Variants in STK3 observed in about 807,000 individuals in gnomAD.
STK3 encodes serine/threonine-protein kinase 3.
In STK3, 41 loss-of-function variants were observed where a neutral mutation model predicts 58.0. The ratio of observed to expected loss-of-function variants is 0.71; its 90% confidence interval spans 0.55 to 0.92. STK3 has a LOEUF of 0.92. Ranked by LOEUF, STK3 falls within the 40% of genes least tolerant of loss-of-function variation. The pLI is 0.00. For missense variants in STK3, 479 were observed against 602.7 expected (o/e 0.79, Z 2.15); for synonymous variants, 170 against 191.0 (o/e 0.89, Z 0.91).
chr8:98,797,940 T>C (rs1833284154), intron 1 of STK3, among the ~76,000 whole-genome samples: 2 of 152,174 alleles, frequency 1.3e-5, no homozygotes, highest in African/African-American at 4.8e-5. Flanking sequence ...GGGGAACTAA[T>C]GAGCAGGGAG....
intron 6 of STK3, among the ~76,000 whole-genome samples, chr8:98,627,687 T>C (rs1376036579): frequency 6.6e-6 from 1 of 152,102 alleles, no homozygotes; most frequent in Non-Finnish European, 1.5e-5. Context: ...TGTAGGCCAA[T>C]TAAACCTCTT....
intron 1 of STK3, among the ~76,000 whole-genome samples, chr8:98,811,850 T>A (rs1180287607): frequency 6.6e-6 from 1 of 152,244 alleles, no homozygotes; most frequent in African/African-American, 2.4e-5. Flanking sequence ...TGAGACGAAG[T>A]CTTGGTCTGT....
At chr8:98,364,828 G>A in the STK3 span, among the ~76,000 whole-genome samples, 1 of 152,206 alleles carries the variant, frequency 6.6e-6, no homozygotes, top group Non-Finnish European at 1.5e-5. Context: ...TGGGAGGAAA[G>A]ATAGCTCACG....
Position 98,442,258 on chromosome 8 carries a change from C to T in STK3, n.186-5050G>A, listed in dbSNP as rs570405360. 1.4e-4 allele frequency among the ~76,000 whole-genome samples: 22 copies of T among 152,380 alleles called. No individual in the cohort carries two copies. The South Asian group carries it at 2.9e-3, about 20-fold the overall frequency. The stretch of plus-strand genomic sequence containing the variant: ...TGAACTAGAACAAAAGCCTTCCCCT[C>T]TCCAATTCTCCAAGCTCCCAAAGCA... On this transcript the variant is annotated intron_variant and non_coding_transcript_variant, in intron 1 of 3. Transcript: ENST00000517832.
At chr8:98,923,868 CGCGCGCGCGT>C (rs1430648266) in intron 1 of STK3, among the ~76,000 whole-genome samples, 1 of 133,876 alleles carries the variant, frequency 7.5e-6, no homozygotes, top group African/African-American at 2.8e-5. Flanking sequence ...CGCGCGCGCG[CGCGCGCGCGT>C]TGACAATGAT....
chr8:98,526,647 TAC>T (rs1199498577), intron 10 of STK3, 93 bp downstream of exon 10: 3 of 1,033,802 alleles, frequency 2.9e-6, no homozygotes, highest in Admixed American at 3.5e-5. Context: ...TGTATATACA[TAC>T]ACACAGTTCA....
At chr8:98,706,058 A>G (rs1010372923) in intron 6 of STK3, among the ~76,000 whole-genome samples, 8 of 145,052 alleles carry the variant, frequency 5.5e-5, no homozygotes, top group East Asian at 2.0e-4. Flanking sequence ...GAAAAGGCAG[A>G]AAAAAAAAAA....
chr8:98,579,917 T>A, intron 7 of STK3, 128 bp from the exon 8 acceptor site: 2 of 871,194 alleles, frequency 2.3e-6, no homozygotes, highest in Non-Finnish European at 3.2e-6. Context: ...CATCTAGAAT[T>A]AAATGTATAG....
chr8:98,919,400 T>C (rs1297524726), intron 1 of STK3, among the ~76,000 whole-genome samples: 1 of 151,480 alleles, frequency 6.6e-6, no homozygotes, highest in Non-Finnish European at 1.5e-5. Flanking sequence ...AGGACACAAA[T>C]CAGAAAAACC....
chr8:98,904,190 A>C (rs1838794783), intron 1 of STK3, among the ~76,000 whole-genome samples: 2 of 152,216 alleles, frequency 1.3e-5, no homozygotes, highest in Non-Finnish European at 2.9e-5. Context: ...GTCCAGAACT[A>C]ACAGAGAAGA....
intron 1 of STK3, among the ~76,000 whole-genome samples, chr8:98,823,381 A>T (rs972135669): frequency 2.0e-5 from 3 of 152,216 alleles, no homozygotes; most frequent in African/African-American, 7.2e-5. Context: ...AGCAACAGAG[A>T]CCAGGAGATT....
At chr8:98,934,644 G>A (rs1840130932) in intron 1 of STK3, among the ~76,000 whole-genome samples, 2 of 152,192 alleles carry the variant, frequency 1.3e-5, no homozygotes, top group South Asian at 2.1e-4. Context: ...GGCCGGGCAC[G>A]GTGACTCATA....
At chr8:98,355,964 G>A in the STK3 span, among the ~76,000 whole-genome samples, 48 of 152,206 alleles carry the variant, frequency 3.2e-4, no homozygotes, top group Non-Finnish European at 6.0e-4. Context: ...TCAGATGGCG[G>A]TTGCTCCATC....
intron 4 of STK3, among the ~76,000 whole-genome samples, chr8:98,735,888 T>C (rs1284169182): frequency 1.3e-5 from 2 of 152,184 alleles, no homozygotes; most frequent in African/African-American, 4.8e-5. Flanking sequence ...ATAGATCAGA[T>C]TTTGAAGGTC....
intron 2 of STK3, among the ~76,000 whole-genome samples, chr8:98,769,817 T>C (rs1157264178): frequency 6.6e-6 from 1 of 152,202 alleles, no homozygotes. Flanking sequence ...GGAAAAGTTA[T>C]AGAACAAACA....
chr8:98,705,299 G>A (rs1825887134), intron 6 of STK3, among the ~76,000 whole-genome samples: 1 of 151,952 alleles, frequency 6.6e-6, no homozygotes. Context: ...TATAGTCCCA[G>A]CTACTCTGCA....
chr8:98,604,843 T>C (rs1256475056), intron 6 of STK3, among the ~76,000 whole-genome samples: 3 of 152,216 alleles, frequency 2.0e-5, no homozygotes, highest in African/African-American at 7.2e-5. Context: ...CACAGGTTGT[T>C]AGAAGCAGCC....
At chr8:98,403,516 G>A (rs551351996) in intron 3 of STK3, among the ~76,000 whole-genome samples, 51 of 152,308 alleles carry the variant, frequency 3.3e-4, no homozygotes, top group Middle Eastern at 3.4e-3. Context: ...AGAGGCAGTG[G>A]AAAATACATG....
At chr8:98,574,026 A>G (rs921835366) in intron 8 of STK3, among the ~76,000 whole-genome samples, 1 of 151,772 alleles carries the variant, frequency 6.6e-6, no homozygotes, top group African/African-American at 2.4e-5. Flanking sequence ...CCATGATTCA[A>G]TTACCTCCTA....
Sources: allele counts gnomAD v4.1 joint callset (sites outside exome capture counted in the v4.1 genomes callset), GRCh38; gene constraint gnomAD v4.1.1; transcripts MANE v1.5; gene names NCBI Gene and HGNC (gene_info 2026-07-23, HGNC 2026-07-21).